The following TSPAN18 variants were observed in gnomAD, a reference collection of about 807,000 sequenced individuals.
The protein encoded by TSPAN18 is tetraspanin 18, also known as tetraspanin-18.
Under a neutral mutation model 27.3 loss-of-function variants are expected in TSPAN18, and 14 were observed. The ratio of observed to expected loss-of-function variants is 0.51; its 90% CI spans 0.34 to 0.80. The LOEUF (loss-of-function observed/expected upper bound fraction) is 0.80. Ranked by LOEUF, TSPAN18 falls within the 30% of genes least tolerant of loss-of-function variation. TSPAN18 has a pLI of 0.01. For synonymous variants in TSPAN18, 143 were observed against 136.5 expected, an observed-to-expected ratio of 1.05 and a Z score of -0.33; for missense variants, 268 against 323.9, an observed-to-expected ratio of 0.83 and a Z score of 1.32.
intron 2 of TSPAN18, among the ~76,000 whole-genome samples, chr11:44,782,774 A>T (rs1855969605): frequency 6.6e-6 from 1 of 152,178 alleles, no homozygotes. Flanking sequence ...GATATTAAGC[A>T]TCTTTTCATG....
At chr11:44,735,535 C>G (rs371590813) in intron 1 of TSPAN18, among the ~76,000 whole-genome samples, 1 of 152,094 alleles carries the variant, frequency 6.6e-6, no homozygotes, top group Non-Finnish European at 1.5e-5. Context: ...TCCATCATCA[C>G]ATGACATTCT....
At position 44,931,060 on chromosome 11, in the gene TSPAN18, A is replaced by C; in HGVS notation, c.*1882A>C. On this transcript the variant is annotated 3_prime_UTR_variant, in exon 10 of 10. Transcript: ENST00000520358. ...CAAAGATTCAGGTGGACCCTCCTCT[A>C]ATCTCCTCCTGCTGTGCCCGCCAGT... The C allele has an allele frequency of 2.4e-6, 1 of 417,078 alleles. No individual in the cohort carries two copies. The highest frequency in any genetic ancestry group is 4.8e-6 in the Non-Finnish European group (1 of 206,826). 25.8% of individuals were successfully genotyped at this position (417,078 alleles called of 1,614,324 possible). A position where few individuals can be genotyped will look rare whatever the true frequency, so the allele number is the denominator to read the frequency against.
chr11:44,751,488 A>G (rs968429295), intron 1 of TSPAN18, among the ~76,000 whole-genome samples: 4 of 152,204 alleles, frequency 2.6e-5, no homozygotes, highest in African/African-American at 2.4e-5. Flanking sequence ...GTGACAATCC[A>G]CAGCATACAT....
intron 1 of TSPAN18, among the ~76,000 whole-genome samples, chr11:44,730,254 GCT>G (rs1854619579): frequency 6.6e-6 from 1 of 152,208 alleles, no homozygotes; most frequent in African/African-American, 2.4e-5. Flanking sequence ...ACCAGTCCCT[GCT>G]GGGAGCCCCA....
intron 3 of TSPAN18, among the ~76,000 whole-genome samples, chr11:44,893,013 G>T (rs927251808): frequency 2.0e-5 from 3 of 152,232 alleles, no homozygotes; most frequent in African/African-American, 4.8e-5. Context: ...TTCTAGCTGT[G>T]CTGTGTGACT....
chr11:44,856,605 C>T (rs780455734), intron 2 of TSPAN18, among the ~76,000 whole-genome samples: 2 of 152,172 alleles, frequency 1.3e-5, no homozygotes, highest in Non-Finnish European at 2.9e-5. Flanking sequence ...TAATAATGAA[C>T]AGCACCTTTG....
intron 5 of TSPAN18, among the ~76,000 whole-genome samples, chr11:44,913,375 ATACTCGTGTTGATCAGTAT>A (rs1258637863): frequency 3.3e-5 from 5 of 152,170 alleles, no homozygotes; most frequent in Admixed American, 2.0e-4. Context: ...CATTTCCCAA[ATACTCGTGTTGATCAGTAT>A]TACAGCACTC....
Position 44,758,530 on chromosome 11 carries a change from G to T in TSPAN18, c.-239-5896G>T, listed in dbSNP as rs531760526. Among the ~76,000 whole-genome samples, 133 of 152,292 alleles carry T rather than the reference G, an allele frequency of 8.7e-4. 1 individual carries two copies. In the South Asian group the frequency reaches 0.011, roughly 13 times the overall value. On this transcript the variant is annotated intron_variant, in intron 1 of 9. Transcript: ENST00000520358. ...GTTTTCTTTTCTTGTAAGTGTCTTT[G>T]TCTGGTTTTGGTATAAGAGTAATGC...
chr11:44,831,446 G>A (rs573950457), intron 2 of TSPAN18, among the ~76,000 whole-genome samples: 84 of 152,282 alleles, frequency 5.5e-4, no homozygotes, highest in Non-Finnish European at 9.6e-4. Context: ...GGCTTTCAAG[G>A]TCCCTCACCT....
At position 44,932,273 on chromosome 11, in the gene TSPAN18, T is replaced by C. The variant is rs1860607004; in HGVS notation, c.*3095T>C. On this transcript the variant is annotated 3_prime_UTR_variant, in exon 10 of 10. Transcript: ENST00000520358. The stretch of plus-strand genomic sequence containing the variant: ...AGATTGCAGAGCTAATTTATCACGT[T>C]TCTCTCCTGTGAGACCCCCCTTTTA... 2 of 142,536 alleles carry C rather than the reference T, an allele frequency of 1.4e-5. No homozygotes were observed. 8.8% of individuals were successfully genotyped at this position (142,536 alleles called of 1,614,324 possible). A position where few individuals can be genotyped will look rare whatever the true frequency, so the allele number is the denominator to read the frequency against.
Position 44,906,583 on chromosome 11 carries a change from C to T in TSPAN18, c.63+104C>T, listed in dbSNP as rs1196016371. 12 of 1,169,630 alleles carry T rather than the reference C, an allele frequency of 1.0e-5. No homozygotes were observed. In the East Asian group the frequency reaches 2.6e-4, roughly 26 times the overall value. The allele number at this position is 1,169,630 out of a possible 1,614,324, so 72.5% of individuals were successfully genotyped here. On this transcript the variant is annotated intron_variant, in intron 4 of 9. Coordinates refer to ENST00000520358, the MANE Select transcript of TSPAN18 (RefSeq NM_130783.5). ...GAGTCCCTGGGGCGAGCACAGGGGCCGGCGCTAGAGGCAGGGGTACCTGCC... is the reference window on the plus strand; with the variant it reads ...GAGTCCCTGGGGCGAGCACAGGGGCTGGCGCTAGAGGCAGGGGTACCTGCC...
intron 2 of TSPAN18, among the ~76,000 whole-genome samples, chr11:44,779,493 G>A (rs1237056521): frequency 6.6e-6 from 1 of 152,156 alleles, no homozygotes; most frequent in African/African-American, 2.4e-5. Flanking sequence ...CCTAGGCTGG[G>A]AGCCTTTGAG....
chr11:44,906,593 G>C, intron 4 of TSPAN18, 114 bp downstream of exon 4: 4 of 1,004,972 alleles, frequency 4.0e-6, no homozygotes, highest in Middle Eastern at 2.9e-4. Flanking sequence ...CGGCGCTAGA[G>C]GCAGGGGTAC....
At chr11:44,767,110 C>G (rs1219403665) in intron 2 of TSPAN18, among the ~76,000 whole-genome samples, 1 of 152,152 alleles carries the variant, frequency 6.6e-6, no homozygotes, top group Non-Finnish European at 1.5e-5. Flanking sequence ...AGACACATAA[C>G]TCCTTCTGTG....
At chr11:44,902,321 C>T (rs1385323632) in intron 3 of TSPAN18, among the ~76,000 whole-genome samples, 2 of 152,204 alleles carry the variant, frequency 1.3e-5, no homozygotes, top group South Asian at 2.1e-4. Flanking sequence ...GGCTGGGATT[C>T]GAACCCAGTT....
At chr11:44,823,962 G>A (rs1416594974) in intron 2 of TSPAN18, among the ~76,000 whole-genome samples, 1 of 152,146 alleles carries the variant, frequency 6.6e-6, no homozygotes, top group East Asian at 1.9e-4. Context: ...CTTATTTCTT[G>A]TCTGTCTCTG....
chr11:44,886,832 G>A (rs1029153142), intron 3 of TSPAN18, among the ~76,000 whole-genome samples: 1 of 152,216 alleles, frequency 6.6e-6, no homozygotes, highest in Non-Finnish European at 1.5e-5. Flanking sequence ...GCAGGAAAGT[G>A]ATCAGTGGCC....
chr11:44,892,443 C>A (rs1858885059), intron 3 of TSPAN18, among the ~76,000 whole-genome samples: 1 of 152,232 alleles, frequency 6.6e-6, no homozygotes, highest in Non-Finnish European at 1.5e-5. Context: ...AATGGAGTGA[C>A]CTCCGTGCTT....
At chr11:44,748,778 G>T (rs1855141148) in intron 1 of TSPAN18, among the ~76,000 whole-genome samples, 1 of 152,164 alleles carries the variant, frequency 6.6e-6, no homozygotes, top group African/African-American at 2.4e-5. Flanking sequence ...TGTGAATGGG[G>T]GAGGGGCGGC....
Sources: gnomAD v4.1 joint callset for allele counts (sites outside exome capture counted in the v4.1 genomes callset) on GRCh38, gnomAD v4.1.1 for gene constraint, MANE v1.5 for transcripts, NCBI Gene and HGNC (gene_info 2026-07-23, HGNC 2026-07-21) for gene names.